DAAM2: variants seen among roughly 807,000 people sequenced by gnomAD.
DAAM2 encodes dishevelled associated activator of morphogenesis 2, also known as disheveled-associated activator of morphogenesis 2.
Under a neutral mutation model 120.7 loss-of-function variants are expected in DAAM2, and 39 were observed. That is an observed-to-expected ratio of 0.32 (90% CI 0.25 to 0.42). The LOEUF (loss-of-function observed/expected upper bound fraction) is 0.42. Among genes scored for constraint, DAAM2 ranks in the 10% least tolerant of loss-of-function variants. DAAM2 has a pLI of 1.00. For synonymous variants in DAAM2, 488 were observed against 524.9 expected (o/e 0.93, Z 0.96); for missense variants, 1,283 against 1,401.7 (o/e 0.92, Z 1.35).
chr6:39,800,716 G>C (rs1038319726), intron 1 of DAAM2, among the ~76,000 whole-genome samples: 1 of 152,222 alleles, frequency 6.6e-6, no homozygotes, highest in Non-Finnish European at 1.5e-5. Flanking sequence ...TGATGGTGGG[G>C]AGCTGTGACT....
chr6:39,881,724 A>T (rs964613109), intron 14 of DAAM2: 49 of 152,242 alleles, frequency 3.2e-4, no homozygotes, highest in African/African-American at 1.1e-3. Context: ...CGTCTCGAAA[A>T]AAAAAGAGAT....
At chr6:39,827,034 G>A (rs1191491679) in intron 1 of DAAM2, among the ~76,000 whole-genome samples, 1 of 152,198 alleles carries the variant, frequency 6.6e-6, no homozygotes, top group African/African-American at 2.4e-5. Context: ...TCTTGGCTAA[G>A]ATTTTTGGAA....
Position 39,901,824 on chromosome 6 carries a change from G to A in DAAM2, c.2994G>A (p.Gln998=). 1 of 1,548,674 alleles carries A rather than the reference G, an allele frequency of 6.5e-7. No individual in the cohort carries two copies. The highest frequency in any genetic ancestry group is 8.7e-7 in the Non-Finnish European group (1 of 1,145,176). Residue 998 remains glutamine (Q), a synonymous_variant, in exon 25 of 25, where the codon CAG becomes CAA. Transcript: ENST00000274867. This position sits in a 1 kb window ranked among gnomAD's most constrained non-coding sequence, Gnocchi z 4.5. ...CCCCCCGCCCGCAGCTGAAGGAGCA[G>A]AGGGAACGTGAGCGGTGGCAGCGGC... ...RARMEAMLKE[Q]RERERWQRQR...
At chr6:39,897,354 G>A (rs960532701) in intron 21 of DAAM2, 72 bp downstream of exon 21, 3 of 1,025,664 alleles carry the variant, frequency 2.9e-6, no homozygotes, top group Non-Finnish European at 4.6e-6. Context: ...CTCTTTTGGG[G>A]TCTACTCTGG....
At chr6:39,840,610 G>A (rs1763287511) in intron 1 of DAAM2, among the ~76,000 whole-genome samples, 1 of 152,096 alleles carries the variant, frequency 6.6e-6, no homozygotes, top group African/African-American at 2.4e-5. Flanking sequence ...ATGAGGGAAA[G>A]GAGAATTTTG....
At chr6:39,873,693 A>G (rs539655691) in intron 10 of DAAM2, among the ~76,000 whole-genome samples, 2 of 152,300 alleles carry the variant, frequency 1.3e-5, no homozygotes, top group African/African-American at 4.8e-5. Context: ...AGTTCCAAAA[A>G]GTTTTGTGCT....
In DAAM2 at chr6:39,842,364, G is replaced by A. The variant is rs548944676; in HGVS notation, c.-56-13883G>A. Among the ~76,000 whole-genome samples the A allele has an allele frequency of 1.3e-5, 2 of 152,334 alleles. 1 individual carries two copies. The highest frequency in any genetic ancestry group is 4.1e-4 in the South Asian group (2 of 4,830). On this transcript the variant is annotated intron_variant, in intron 1 of 24. Transcript: ENST00000274867. ...AACATACACGTGGCCAGGTGAGATG[G>A]CTCATGCGTGTAATCCCAGCACTTT... is the stretch of plus-strand genomic sequence containing the variant.
chr6:39,881,124 A>G (rs1340979718), intron 14 of DAAM2, among the ~76,000 whole-genome samples: 1 of 152,218 alleles, frequency 6.6e-6, no homozygotes, highest in Non-Finnish European at 1.5e-5. Context: ...TTTGTGCAAC[A>G]TTTTCATCAT....
At chr6:39,871,821 T>C (rs1764676251) in intron 9 of DAAM2, among the ~76,000 whole-genome samples, 1 of 152,140 alleles carries the variant, frequency 6.6e-6, no homozygotes, top group East Asian at 1.9e-4. Context: ...CTATGGAGAC[T>C]GAGAAGTCCC....
At chr6:39,826,722 G>A (rs1326961026) in intron 1 of DAAM2, among the ~76,000 whole-genome samples, 1 of 152,146 alleles carries the variant, frequency 6.6e-6, no homozygotes, top group African/African-American at 2.4e-5. Context: ...AATCAGATGT[G>A]AAATGTGAAA....
chr6:39,867,337 GTCT>G, intron 5 of DAAM2, 170 bp from the exon 6 acceptor site: 1 of 618,076 alleles, frequency 1.6e-6, no homozygotes, highest in East Asian at 2.8e-5. Flanking sequence ...TAAGACACAA[GTCT>G]TTTGTGAAGA....
intron 1 of DAAM2, among the ~76,000 whole-genome samples, chr6:39,834,461 C>T (rs534578059): frequency 9.2e-5 from 14 of 152,210 alleles, no homozygotes; most frequent in South Asian, 2.1e-4. Flanking sequence ...TCCTGTTCGC[C>T]GAGCCTGGTA....
rs1159350445 is a variant in DAAM2 at position 39,904,599 on chromosome 6, T to C, written c.*2562T>C. On this transcript the variant is annotated 3_prime_UTR_variant, in exon 25 of 25. Transcript: ENST00000274867. The stretch of plus-strand genomic sequence containing the variant: ...GATGGAAATAAAGTGTTTAGGGCAG[T>C]GGGAGGAGAAAATTCTCCAGGTGAA... The C allele has an allele frequency of 2.2e-6, 1 of 454,268 alleles. No homozygotes were observed. The highest frequency in any genetic ancestry group is 2.3e-5 in the Admixed American group (1 of 42,580). 28.1% of individuals were successfully genotyped at this position (454,268 alleles called of 1,614,324 possible).
chr6:39,801,988 T>C (rs995180011), intron 1 of DAAM2, among the ~76,000 whole-genome samples: 2 of 152,244 alleles, frequency 1.3e-5, no homozygotes, highest in African/African-American at 4.8e-5. Context: ...TCAGAGTTTC[T>C]GTGGACTTTG....
intron 17 of DAAM2, among the ~76,000 whole-genome samples, chr6:39,891,102 AAAAG>A (rs1467610332): frequency 3.3e-5 from 5 of 151,574 alleles, no homozygotes; most frequent in Admixed American, 6.6e-5. Flanking sequence ...AAAAAAAAAA[AAAAG>A]AAAGAAATAC....
At chr6:39,869,817 G>A (rs1764585834) in intron 7 of DAAM2, among the ~76,000 whole-genome samples, 1 of 147,998 alleles carries the variant, frequency 6.8e-6, no homozygotes, top group African/African-American at 2.5e-5. Flanking sequence ...GTTAGGGAAG[G>A]CCGGTTGGGG....
intron 10 of DAAM2, among the ~76,000 whole-genome samples, chr6:39,874,742 G>T (rs1764800383): frequency 6.6e-6 from 1 of 152,178 alleles, no homozygotes; most frequent in Non-Finnish European, 1.5e-5. Flanking sequence ...ATGAGAGTGA[G>T]ACTCTATGAG....
chr6:39,854,061 C>T (rs2149278658), intron 1 of DAAM2, among the ~76,000 whole-genome samples: 1 of 152,322 alleles, frequency 6.6e-6, no homozygotes, highest in Middle Eastern at 3.4e-3. Flanking sequence ...CTCTGTTTTA[C>T]TCTAATGCTA....
At position 39,900,160 on chromosome 6, in the gene DAAM2, C is replaced by A; in HGVS notation, c.2763C>A (p.Ser921Arg). The A allele has an allele frequency of 6.2e-7, 1 of 1,606,828 alleles. No individual in the cohort carries two copies. The highest frequency in any genetic ancestry group is 1.7e-5 in the Admixed American group (1 of 59,340). ...PVMSDFITVSSFSFSELEDQL... is the reference protein window; with the variant it reads ...PVMSDFITVSRFSFSELEDQL... ...TGAGCGACTTCATCACGGTGTCCAGCTTCAGCTTCTCCGAGCTGGAGGACC... is the reference window on the plus strand; with the variant it reads ...TGAGCGACTTCATCACGGTGTCCAGATTCAGCTTCTCCGAGCTGGAGGACC... Residue 921 changes from serine to arginine, a missense_variant, in exon 23 of 25, where the codon AGC becomes AGA. Around this residue, in one of 3 missense-constraint regions of DAAM2, gnomAD observed 748 missense variants for 768.6 expected, o/e 0.97. Coordinates refer to ENST00000274867, the MANE Select transcript of DAAM2 (RefSeq NM_001201427.2).
Sources: gnomAD v4.1 joint callset for allele counts (sites outside exome capture counted in the v4.1 genomes callset) on GRCh38, gnomAD v4.1.1 for gene constraint, gnomAD v4.1.1 regional missense constraint, Gnocchi (gnomAD v3.1) non-coding constraint, MANE v1.5 for transcripts, NCBI Gene and HGNC (gene_info 2026-07-23, HGNC 2026-07-21) for gene names.